Variants in LRRC37A3 observed in about 807,000 individuals in gnomAD.
LRRC37A3 encodes the protein leucine rich repeat containing 37 member A3.
Under a neutral mutation model 106.2 loss-of-function variants are expected in LRRC37A3, and 25 were observed. The ratio of observed to expected loss-of-function variants is 0.24; its 90% confidence interval spans 0.17 to 0.33. The LOEUF (loss-of-function observed/expected upper bound fraction) is 0.33, where lower values mean the gene tolerates loss of function less well. Among genes scored for constraint, LRRC37A3 ranks in the 10% least tolerant of loss-of-function variants. The pLI is 1.00. For missense variants in LRRC37A3, 712 were observed against 1,644.9 expected (o/e 0.43, Z 9.81); for synonymous variants, 305 against 635.8 (o/e 0.48, Z 7.83).
At chr17:64,909,179 T>C (rs1170951040) in intron 2 of LRRC37A3, among the ~76,000 whole-genome samples, 1 of 152,126 alleles carries the variant, frequency 6.6e-6, no homozygotes, top group Non-Finnish European at 1.5e-5. Flanking sequence ...AAGATCCAGA[T>C]GAGTAAAAAT....
intron 11 of LRRC37A3, among the ~76,000 whole-genome samples, chr17:64,861,795 T>C (rs1244303210): frequency 2.0e-5 from 3 of 152,164 alleles, no homozygotes; most frequent in East Asian, 1.9e-4. Flanking sequence ...TTTCATTTCA[T>C]CTCTAATATT....
At chr17:64,861,480 C>G (rs1223626846) in intron 11 of LRRC37A3, among the ~76,000 whole-genome samples, 1 of 152,134 alleles carries the variant, frequency 6.6e-6, no homozygotes, top group Non-Finnish European at 1.5e-5. Flanking sequence ...AAGTGGAGGC[C>G]CCCTCCCATT....
chr17:64,883,608 T>C (rs1445834081), intron 8 of LRRC37A3, among the ~76,000 whole-genome samples: 1 of 148,020 alleles, frequency 6.8e-6, no homozygotes, highest in African/African-American at 2.5e-5. Context: ...TATAAACTTG[T>C]GTAATGCAGG....
chr17:64,854,515 G>T lies in LRRC37A3; in HGVS notation c.*84C>A, dbSNP rs189125507. On this transcript the variant is annotated 3_prime_UTR_variant, in exon 15 of 15. Coordinates refer to ENST00000584306, the MANE Select transcript of LRRC37A3 (RefSeq NM_199340.5). Reference sequence around the variant, plus strand: ...CGCTGCCTCTGTGGATGTGTGGGCCGCTGGCTTCAGTCCTGCTTTTTTGAT... The same window carrying T: ...CGCTGCCTCTGTGGATGTGTGGGCCTCTGGCTTCAGTCCTGCTTTTTTGAT... 1.3e-6 allele frequency: 2 copies of T among 1,595,430 alleles called. No homozygotes were observed. Among genetic ancestry groups the T allele is most frequent in the Non-Finnish European group, 1.7e-6 (2 of 1,163,742 alleles).
chr17:64,868,471 A>C lies in LRRC37A3; in HGVS notation c.3044T>G (p.Leu1015Arg). The C allele has an allele frequency of 6.2e-7, 1 of 1,610,250 alleles. No individual in the cohort carries two copies. The highest frequency in any genetic ancestry group is 8.5e-7 in the Non-Finnish European group (1 of 1,178,920). Residue 1015 changes from leucine (L) to arginine (R), a missense_variant, in exon 10 of 15, where the codon CTG becomes CGG. Leu to Arg is a moderately radical substitution (Grantham distance 102, BLOSUM62 -2). Coordinates refer to ENST00000584306, the MANE Select transcript of LRRC37A3 (RefSeq NM_199340.5). ...LKNILMMTVE[L>R]EKLIVPSHMA... ...GAAAAAAATAACTTACAGTTTTTCC[A>C]GTTCAACAGTCATCATGAGAATGTT...
chr17:64,879,949 A>G (rs1190318820), intron 8 of LRRC37A3, among the ~76,000 whole-genome samples: 1 of 152,164 alleles, frequency 6.6e-6, no homozygotes, highest in Non-Finnish European at 1.5e-5. Context: ...TATGTAGCCA[A>G]ACAACTTAGC....
At chr17:64,858,986 C>T in intron 12 of LRRC37A3, 103 bp from the exon 13 acceptor site, 4 of 800,796 alleles carry the variant, frequency 5.0e-6, no homozygotes, top group Non-Finnish European at 8.2e-6. Flanking sequence ...GAGGGTCTCA[C>T]TCTGTCACCC....
At chr17:64,865,140 A>T (rs1265228967) in intron 10 of LRRC37A3, among the ~76,000 whole-genome samples, 1 of 152,086 alleles carries the variant, frequency 6.6e-6, no homozygotes, top group Non-Finnish European at 1.5e-5. Flanking sequence ...CTCTGCCACA[A>T]AGGTGTTTCT....
intron 2 of LRRC37A3, among the ~76,000 whole-genome samples, chr17:64,903,959 T>G (rs1440309334): frequency 1.3e-5 from 2 of 151,678 alleles, no homozygotes; most frequent in East Asian, 3.9e-4. Flanking sequence ...ACCAACACAG[T>G]GAAACCCCAT....
chr17:64,881,224 G>A (rs1973690871), intron 8 of LRRC37A3: 3 of 698,272 alleles, frequency 4.3e-6, no homozygotes, highest in South Asian at 1.5e-5. Context: ...GAAACAGTGA[G>A]CCTTTTTCTT....
At chr17:64,914,356 C>G (rs369122458) in intron 2 of LRRC37A3, among the ~76,000 whole-genome samples, 1 of 152,040 alleles carries the variant, frequency 6.6e-6, no homozygotes, top group East Asian at 1.9e-4. Flanking sequence ...GTCAGGAGTT[C>G]GAGACCAGCC....
chr17:64,893,841 A>AT (rs1473466119), intron 4 of LRRC37A3, among the ~76,000 whole-genome samples: 1 of 148,070 alleles, frequency 6.8e-6, no homozygotes, highest in Non-Finnish European at 1.5e-5. Context: ...TTTAGTAGAG[A>AT]TGGGGTTTCA....
chr17:64,861,906 G>A (rs1305259350), intron 11 of LRRC37A3, among the ~76,000 whole-genome samples: 3 of 152,074 alleles, frequency 2.0e-5, no homozygotes. Flanking sequence ...TTGGGTGGTG[G>A]TGAGGGTCAG....
chr17:64,914,338 C>T (rs906964969), intron 2 of LRRC37A3, among the ~76,000 whole-genome samples: 3 of 151,978 alleles, frequency 2.0e-5, no homozygotes, highest in Non-Finnish European at 2.9e-5. Flanking sequence ...GCAGATGAAT[C>T]ACCCGAGGTC....
At chr17:64,857,274 A>G (rs992132891) in intron 13 of LRRC37A3, among the ~76,000 whole-genome samples, 1 of 152,226 alleles carries the variant, frequency 6.6e-6, no homozygotes, top group Non-Finnish European at 1.5e-5. Flanking sequence ...TGGCAATACA[A>G]ATGTATGAAG....
chr17:64,872,664 A>G (rs922773402), intron 8 of LRRC37A3, among the ~76,000 whole-genome samples: 1 of 152,218 alleles, frequency 6.6e-6, no homozygotes, highest in Admixed American at 6.5e-5. Flanking sequence ...CCTAATCAAA[A>G]AGCTTAATAG....
intron 8 of LRRC37A3, among the ~76,000 whole-genome samples, chr17:64,877,972 G>A (rs1598411479): frequency 6.6e-6 from 1 of 151,828 alleles, no homozygotes. Context: ...AATGAAGGTG[G>A]ACCCCCTACA....
chr17:64,864,467 A>T (rs578072120), intron 10 of LRRC37A3, among the ~76,000 whole-genome samples: 2 of 152,236 alleles, frequency 1.3e-5, no homozygotes, highest in South Asian at 4.1e-4. Context: ...GCTTGTTTGA[A>T]TTTTTTTCAA....
intron 8 of LRRC37A3, among the ~76,000 whole-genome samples, chr17:64,876,031 C>T (rs1973502452): frequency 6.6e-6 from 1 of 152,104 alleles, no homozygotes; most frequent in African/African-American, 2.4e-5. Flanking sequence ...CCACCACACT[C>T]GGCTAACTAA....
Sources: gnomAD v4.1 joint callset for allele counts (sites outside exome capture counted in the v4.1 genomes callset) on GRCh38, gnomAD v4.1.1 for gene constraint, MANE v1.5 for transcripts, NCBI Gene and HGNC (gene_info 2026-07-23, HGNC 2026-07-21) for gene names.